The following DPP9 variants were observed in gnomAD, a reference collection of about 807,000 sequenced individuals.
DPP9 encodes the protein dipeptidyl peptidase 9.
Under a neutral mutation model 110.7 loss-of-function variants are expected in DPP9, and 50 were observed. The ratio of observed to expected loss-of-function variants is 0.45; its 90% confidence interval spans 0.36 to 0.57. The LOEUF (loss-of-function observed/expected upper bound fraction) is 0.57. Among genes scored for constraint, DPP9 ranks in the 20% least tolerant of loss-of-function variants. The pLI, the probability that DPP9 is intolerant of heterozygous loss-of-function variation, is 0.00. For synonymous variants in DPP9, 561 were observed against 514.4 expected, an observed-to-expected ratio of 1.09 and a Z score of -1.23; for missense variants, 1,022 against 1,217.9, an observed-to-expected ratio of 0.84 and a Z score of 2.39.
intron 19 of DPP9, chr19:4,683,122 G>A (rs1170726992): frequency 1.1e-5 from 16 of 1,471,154 alleles, no homozygotes; most frequent in East Asian, 8.5e-5. Flanking sequence ...CCTCATCGCC[G>A]CCGCCCCGCA....
In DPP9 at chr19:4,695,563, G is replaced by A; in HGVS notation, c.1176-8C>T. 1.4e-6 allele frequency: 2 copies of A among 1,462,572 alleles called. No individual in the cohort carries two copies. The highest frequency in any genetic ancestry group is 2.9e-5 in the South Asian group (2 of 69,168). The allele number at this position is 1,462,572 out of a possible 1,614,324, so 90.6% of individuals were successfully genotyped here. The stretch of plus-strand genomic sequence containing the variant: ...AGGAACATGGCCCAGGCGCTAAGGG[G>A]GAAGATGCGGGGGAAGATGAGAGGG... On this transcript the variant is annotated splice_region_variant and splice_polypyrimidine_tract_variant and intron_variant, in intron 11 of 21. Transcript: ENST00000262960. This position sits in a 1 kb window ranked among gnomAD's most constrained non-coding sequence, Gnocchi z 4.7.
rs1448152111 is a variant in DPP9 at position 4,685,105 on chromosome 19, T to C, written c.2032-296A>G. 1.7e-6 allele frequency: 1 copy of C among 598,066 alleles called. No homozygotes were observed. Among genetic ancestry groups the C allele is most frequent in the Non-Finnish European group, 3.1e-6 (1 of 318,514 alleles). The allele number at this position is 598,066 out of a possible 1,614,324, so 37.0% of individuals were successfully genotyped here. ...GCATGATGGACATTGGGGTGGCTCC[T>C]TCTCGGGTGGGGCCATCTGGGCACT... On this transcript the variant is annotated intron_variant, in intron 17 of 21. Coordinates refer to ENST00000262960, the MANE Select transcript of DPP9 (RefSeq NM_139159.5). This position sits in a 1 kb window ranked among gnomAD's most constrained non-coding sequence, Gnocchi z 5.8.
chr19:4,705,220 T>A (rs184350780), intron 5 of DPP9, among the ~76,000 whole-genome samples: 1 of 152,328 alleles, frequency 6.6e-6, no homozygotes, highest in African/African-American at 2.4e-5. Flanking sequence ...ATGTTATTTT[T>A]ATTGCTATAT....
intron 4 of DPP9, among the ~76,000 whole-genome samples, chr19:4,708,144 C>T (rs148532566): frequency 9.2e-4 from 140 of 152,274 alleles, no homozygotes; most frequent in Non-Finnish European, 1.7e-3. Flanking sequence ...CAGGCTTGAA[C>T]CAGAGCCTAG....
intron 16 of DPP9, among the ~76,000 whole-genome samples, chr19:4,686,523 T>C (rs558588840): frequency 6.6e-6 from 1 of 152,200 alleles, no homozygotes; most frequent in African/African-American, 2.4e-5. Flanking sequence ...TTTCACCATA[T>C]TGGCCAGGCT....
At chr19:4,683,279 C>T (rs1396339548) in intron 19 of DPP9, 198 bp downstream of exon 19, 5 of 1,436,962 alleles carry the variant, frequency 3.5e-6, no homozygotes, top group South Asian at 1.5e-5. Context: ...ATCCTGCGGT[C>T]GGCGGTGGCG....
At position 4,682,448 on chromosome 19, in the gene DPP9, C is replaced by T. The variant is rs981708725; in HGVS notation, c.2474+248G>A. Among the ~76,000 whole-genome samples the T allele has an allele frequency of 6.6e-5, 10 of 152,160 alleles. No individual in the cohort carries two copies. Among genetic ancestry groups the T allele is most frequent in the African/African-American group, 2.4e-4 (10 of 41,448 alleles). On this transcript the variant is annotated intron_variant, in intron 20 of 21. Coordinates refer to ENST00000262960, the MANE Select transcript of DPP9 (RefSeq NM_139159.5). This position sits in a 1 kb window ranked among gnomAD's most constrained non-coding sequence, Gnocchi z 7.1. ...TTCCCAGGGCAGGGCTGTGAGCCTC[C>T]TTCCCCAGACAAGCATCCCTGGGTG...
At position 4,694,758 on chromosome 19, in the gene DPP9, G is replaced by A. The variant is rs2091643057; in HGVS notation, c.1419C>T (p.Ala473=). The A allele has an allele frequency of 1.2e-6, 2 of 1,613,956 alleles. No individual in the cohort carries two copies. The highest frequency in any genetic ancestry group is 1.7e-5 in the Admixed American group (1 of 60,008). ...EGEDELCFLR[A]NECKTGFCHL... ...GGCAGAAGCCGGTCTTGCATTCATT[G>A]GCGCGGAGAAAGCAGAGCTCGTCCT... Residue 473 remains alanine (A), a synonymous_variant, in exon 13 of 22, where the codon GCC becomes GCT. Transcript: ENST00000262960. The surrounding 1 kb of genome is among the most constrained non-coding windows in gnomAD (Gnocchi z 4.0).
chr19:4,680,080 A>T (rs72977964), intron 20 of DPP9, 134 bp from the exon 21 acceptor site: 89,629 of 596,332 alleles, frequency 0.15, 8,249 homozygotes, highest in Middle Eastern at 0.23. Context: ...AAATATATTT[A>T]AAAAAAATTA....
chr19:4,722,216 A>G, intron 2 of DPP9: 1 of 440,706 alleles, frequency 2.3e-6, no homozygotes, highest in South Asian at 3.3e-5. Context: ...GTGTAGGTGG[A>G]TCCAGGCACC....
Position 4,693,496 on chromosome 19 carries a change from T to G in DPP9, c.1516+1165A>C, listed in dbSNP as rs1408711961. Among the ~76,000 whole-genome samples, 1 of 152,088 alleles carries G rather than the reference T, an allele frequency of 6.6e-6. No individual in the cohort carries two copies. Among genetic ancestry groups the G allele is most frequent in the Non-Finnish European group, 1.5e-5 (1 of 67,990 alleles). On this transcript the variant is annotated intron_variant, in intron 13 of 21. Coordinates refer to ENST00000262960, the MANE Select transcript of DPP9 (RefSeq NM_139159.5). The surrounding 1 kb of genome is among the most constrained non-coding windows in gnomAD (Gnocchi z 5.0). ...TCTCCTAGAACAGTCCCTCTCTGAG[T>G]CTGTCTTAGACTGGACCTGCGGAGC...
In DPP9 at chr19:4,685,911, G is replaced by GAA; in HGVS notation, c.1886-142_1886-141dup. The GAA allele has an allele frequency of 1.0e-6, 1 of 961,824 alleles. No individual in the cohort carries two copies. Among genetic ancestry groups the GAA allele is most frequent in the Non-Finnish European group, 1.5e-6 (1 of 670,018 alleles). 59.6% of individuals were successfully genotyped at this position (961,824 alleles called of 1,614,324 possible). ...CTGGGCTTCCCGAGAGTTGATAATT[G>GAA]AAAAAAACGTTTTTTTTTCATTAAA... On this transcript the variant is annotated intron_variant, in intron 16 of 21. Transcript: ENST00000262960. The surrounding 1 kb of genome is among the most constrained non-coding windows in gnomAD (Gnocchi z 5.8).
rs1250696111 is a variant in DPP9 at position 4,695,875 on chromosome 19, C to T, written c.1176-320G>A. ...GGCCCACAGTCGCTATCCTTTATTT[C>T]GTAGTTTGCTTTATTTTATTTATTT... On this transcript the variant is annotated intron_variant, in intron 11 of 21. Transcript: ENST00000262960. This position sits in a 1 kb window ranked among gnomAD's most constrained non-coding sequence, Gnocchi z 4.7. 1.3e-5 allele frequency among the ~76,000 whole-genome samples: 2 copies of T among 152,112 alleles called. No individual in the cohort carries two copies. The highest frequency in any genetic ancestry group is 1.5e-5 in the Non-Finnish European group (1 of 68,022).
rs954431554 is a variant in DPP9, at chr19:4,682,020, T to C, written c.2474+676A>G. 6.6e-6 allele frequency among the ~76,000 whole-genome samples: 1 copy of C among 151,870 alleles called. No individual in the cohort carries two copies. The highest frequency in any genetic ancestry group is 1.5e-5 in the Non-Finnish European group (1 of 67,944). ...CCCGCCACCACACCCGGCTAATTTT[T>C]TGTATTTTTAGTAGAGACGGGGTTT... On this transcript the variant is annotated intron_variant, in intron 20 of 21. Transcript: ENST00000262960. The surrounding 1 kb of genome is among the most constrained non-coding windows in gnomAD (Gnocchi z 7.1).
At position 4,712,058 on chromosome 19, in the gene DPP9, C is replaced by T. The variant is rs527466275; in HGVS notation, c.313+2023G>A. Among the ~76,000 whole-genome samples the T allele has an allele frequency of 6.6e-5, 10 of 152,276 alleles. No individual in the cohort carries two copies. In the East Asian group the frequency reaches 9.7e-4, roughly 15 times the overall value. On this transcript the variant is annotated intron_variant, in intron 4 of 21. Transcript: ENST00000262960. ...GGCAGCCACAGAAAACTCCTCCAAA[C>T]GCCCTGACCAGGACAGCAACCCCAA...
At position 4,695,087 on chromosome 19, in the gene DPP9, G is replaced by A; in HGVS notation, c.1354-264C>T. On this transcript the variant is annotated intron_variant, in intron 12 of 21. Transcript: ENST00000262960. This position sits in a 1 kb window ranked among gnomAD's most constrained non-coding sequence, Gnocchi z 4.7. ...GATCACTTAGGCCCAGGAGGTCAAGGCTGCAGTGAGCTATGACCACACCAC... is the reference window on the plus strand; with the variant it reads ...GATCACTTAGGCCCAGGAGGTCAAGACTGCAGTGAGCTATGACCACACCAC... 2 of 591,278 alleles carry A rather than the reference G, an allele frequency of 3.4e-6. No individual in the cohort carries two copies. The highest frequency in any genetic ancestry group is 2.8e-5 in the East Asian group (1 of 35,164). The allele number at this position is 591,278 out of a possible 1,614,324, so 36.6% of individuals were successfully genotyped here.
chr19:4,697,714 G>A, intron 10 of DPP9, 63 bp from the exon 11 acceptor site: 1 of 1,407,824 alleles, frequency 7.1e-7, no homozygotes, highest in Non-Finnish European at 9.9e-7. Context: ...CGGAGGAGAA[G>A]GCCACTGCGC....
chr19:4,683,880 A>G, intron 18 of DPP9: 1 of 1,443,478 alleles, frequency 6.9e-7, no homozygotes, highest in South Asian at 1.2e-5. Context: ...TGAGGGCGTC[A>G]GTTTGCCCAT....
In DPP9 at chr19:4,689,347, T is replaced by TG. The variant is rs564129025; in HGVS notation, c.1749+222dup. Among the ~76,000 whole-genome samples, 5 of 152,122 alleles carry TG rather than the reference T, an allele frequency of 3.3e-5. No homozygotes were observed. Among genetic ancestry groups the TG allele is most frequent in the Non-Finnish European group, 4.4e-5 (3 of 67,998 alleles). On this transcript the variant is annotated intron_variant, in intron 15 of 21. Coordinates refer to ENST00000262960, the MANE Select transcript of DPP9 (RefSeq NM_139159.5). The surrounding 1 kb of genome is among the most constrained non-coding windows in gnomAD (Gnocchi z 7.0). ...GAGCCCCAGCTCAGCGGACGGGCAC[T>TG]GGGGGGCTCCACCACTTACTACCCT...
Sources: allele counts gnomAD v4.1 joint callset (sites outside exome capture counted in the v4.1 genomes callset), GRCh38; gene constraint gnomAD v4.1.1; non-coding constraint Gnocchi (gnomAD v3.1); transcripts MANE v1.5; gene names NCBI Gene and HGNC (gene_info 2026-07-23, HGNC 2026-07-21).